The following GRID2 variants were observed in gnomAD, a reference collection of about 807,000 sequenced individuals.
The protein encoded by GRID2 is glutamate ionotropic receptor delta type subunit 2, also known as glutamate receptor ionotropic, delta-2.
In GRID2, 33 loss-of-function variants were observed where a neutral mutation model predicts 114.8. The observed-to-expected ratio is 0.29, with a 90% confidence interval of 0.22 to 0.38. The LOEUF is 0.38. Ranked by LOEUF, GRID2 falls within the 10% of genes least tolerant of loss-of-function variation. The pLI is 1.00. For synonymous variants in GRID2, 505 were observed against 449.9 expected, an observed-to-expected ratio of 1.12 and a Z score of -1.55; for missense variants, 1,184 against 1,257.7, an observed-to-expected ratio of 0.94 and a Z score of 0.89.
intron 1 of GRID2, among the ~76,000 whole-genome samples, chr4:92,547,415 G>C (rs34660259): frequency 0.22 from 33,362 of 152,016 alleles, 3,936 homozygotes; most frequent in South Asian, 0.29. Flanking sequence ...TTTTATGTAT[G>C]AGTTGATTAA....
intron 1 of GRID2, among the ~76,000 whole-genome samples, chr4:92,524,994 T>C (rs996935899): frequency 2.6e-5 from 4 of 151,932 alleles, no homozygotes; most frequent in Non-Finnish European, 5.9e-5. Flanking sequence ...CATGGAAGAA[T>C]AGGAATACAG....
intron 1 of GRID2, among the ~76,000 whole-genome samples, chr4:92,382,622 T>C (rs1448560602): frequency 6.6e-6 from 1 of 152,054 alleles, no homozygotes; most frequent in African/African-American, 2.4e-5. Context: ...GAATGAGTTA[T>C]TGATTATATT....
intron 8 of GRID2, among the ~76,000 whole-genome samples, chr4:93,264,049 TG>T (rs1427389677): frequency 3.3e-5 from 5 of 152,206 alleles, no homozygotes; most frequent in Non-Finnish European, 1.5e-5. Context: ...TCTTTTGCAA[TG>T]CTATTAACAC....
chr4:93,592,307 G>T (rs530653704), intron 13 of GRID2, among the ~76,000 whole-genome samples: 1 of 152,042 alleles, frequency 6.6e-6, no homozygotes, highest in African/African-American at 2.4e-5. Context: ...CCTTCATTTC[G>T]TTATGTACCC....
At chr4:93,460,117 T>C (rs1723604207) in intron 11 of GRID2, among the ~76,000 whole-genome samples, 1 of 152,204 alleles carries the variant, frequency 6.6e-6, no homozygotes, top group Non-Finnish European at 1.5e-5. Flanking sequence ...TACTTGCATA[T>C]ATACCCAAGT....
chr4:93,558,978 C>T (rs1734607271), intron 13 of GRID2, among the ~76,000 whole-genome samples: 1 of 152,100 alleles, frequency 6.6e-6, no homozygotes, highest in African/African-American at 2.4e-5. Context: ...GAACCAATGA[C>T]AAAAACTACA....
rs147175947 is a variant in GRID2 at position 93,362,761 on chromosome 4, C to G, written c.1246-32846C>G. ...CTTCGTTGTAAACACATGGTGAGGTCTGTGAAAGATAGCCTGCAAGTTGGG... is the reference window on the plus strand; with the variant it reads ...CTTCGTTGTAAACACATGGTGAGGTGTGTGAAAGATAGCCTGCAAGTTGGG... On this transcript the variant is annotated intron_variant, in intron 8 of 15. Transcript: ENST00000282020. 1.7e-3 allele frequency among the ~76,000 whole-genome samples: 253 copies of G among 152,126 alleles called. 1 individual carries two copies. Among genetic ancestry groups the G allele is most frequent in the African/African-American group, 5.9e-3 (244 of 41,512 alleles).
At chr4:93,104,551 T>G (rs1233381985) in intron 3 of GRID2, among the ~76,000 whole-genome samples, 2 of 151,250 alleles carry the variant, frequency 1.3e-5, no homozygotes, top group Non-Finnish European at 2.9e-5. Flanking sequence ...AGTGAGAACA[T>G]GCGGTGTTTG....
intron 2 of GRID2, among the ~76,000 whole-genome samples, chr4:92,666,342 G>A (rs1169393030): frequency 1.3e-5 from 2 of 151,056 alleles, no homozygotes; most frequent in African/African-American, 4.9e-5. Flanking sequence ...TCAGTTCTTT[G>A]AGCATCTTGA....
At chr4:93,299,180 C>CTA (rs1754607867) in intron 8 of GRID2, among the ~76,000 whole-genome samples, 1 of 152,112 alleles carries the variant, frequency 6.6e-6, no homozygotes, top group Admixed American at 6.5e-5. Context: ...CAGTCGTGGG[C>CTA]TATTCCCAGA....
At chr4:93,792,541 G>C (rs1365510967) in intron 1 of GRID2, among the ~76,000 whole-genome samples, 2 of 152,176 alleles carry the variant, frequency 1.3e-5, no homozygotes, top group East Asian at 3.9e-4. Context: ...GCCTAACTCA[G>C]TTTTGCTTCT....
chr4:92,816,381 G>C (rs896455566), intron 2 of GRID2, among the ~76,000 whole-genome samples: 2 of 147,556 alleles, frequency 1.4e-5, no homozygotes, highest in African/African-American at 5.0e-5. Context: ...CATTTATGCC[G>C]AATGTACTTT....
intron 2 of GRID2, among the ~76,000 whole-genome samples, chr4:93,021,087 G>T (rs1014246705): frequency 3.3e-5 from 5 of 150,916 alleles, no homozygotes; most frequent in African/African-American, 1.2e-4. Flanking sequence ...TAATAATCCT[G>T]TCATTAAGGG....
chr4:93,173,311 A>T (rs1243128283), intron 4 of GRID2, among the ~76,000 whole-genome samples: 1 of 152,064 alleles, frequency 6.6e-6, no homozygotes, highest in Non-Finnish European at 1.5e-5. Context: ...AAGAACTGAG[A>T]ATTTGTCATA....
At chr4:93,748,237 A>G (rs942864970) in intron 14 of GRID2, among the ~76,000 whole-genome samples, 1 of 152,162 alleles carries the variant, frequency 6.6e-6, no homozygotes, top group African/African-American at 2.4e-5. Flanking sequence ...CAAGTAAGCC[A>G]TCATCTAAGA....
intron 3 of GRID2, among the ~76,000 whole-genome samples, chr4:93,106,469 C>A (rs1732244181): frequency 6.6e-6 from 1 of 152,170 alleles, no homozygotes; most frequent in East Asian, 1.9e-4. Flanking sequence ...GTTTCAGCCT[C>A]CTAAGTAGCT....
chr4:93,604,664 T>G (rs1595001), intron 13 of GRID2, among the ~76,000 whole-genome samples: 5,918 of 152,198 alleles, frequency 0.039, 389 homozygotes, highest in African/African-American at 0.13. Flanking sequence ...TGTGGCAAAT[T>G]TAATTGTCTT....
intron 2 of GRID2, among the ~76,000 whole-genome samples, chr4:92,856,187 A>T (rs777705364): frequency 1.3e-5 from 2 of 151,950 alleles, no homozygotes; most frequent in East Asian, 3.9e-4. Context: ...AATAGATTTG[A>T]TTCTTCCTTG....
intron 2 of GRID2, among the ~76,000 whole-genome samples, chr4:93,051,211 T>C (rs2149280781): frequency 6.6e-6 from 1 of 152,174 alleles, no homozygotes; most frequent in South Asian, 2.1e-4. Context: ...AATCGTTCAA[T>C]TCTGCAGCTG....
Sources: allele counts gnomAD v4.1 joint callset (sites outside exome capture counted in the v4.1 genomes callset), GRCh38; gene constraint gnomAD v4.1.1; transcripts MANE v1.5; gene names NCBI Gene and HGNC (gene_info 2026-07-23, HGNC 2026-07-21).